SNAP25: variants seen among roughly 807,000 people sequenced by gnomAD.
SNAP25 encodes synaptosomal-associated protein 25.
Under a neutral mutation model 28.7 loss-of-function variants are expected in SNAP25, and 3 were observed. The observed-to-expected ratio is 0.10, with a 90% CI of 0.05 to 0.27. SNAP25 has a LOEUF of 0.27. Ranked by LOEUF, SNAP25 falls within the 10% of genes least tolerant of loss-of-function variation. The pLI is 1.00. For missense variants in SNAP25, 117 were observed against 278.7 expected, an observed-to-expected ratio of 0.42 and a Z score of 4.13; for synonymous variants, 61 against 88.1, an observed-to-expected ratio of 0.69 and a Z score of 1.72.
At chr20:10,273,304 GT>G (rs891590268) in intron 1 of SNAP25, among the ~76,000 whole-genome samples, 59 of 152,160 alleles carry the variant, frequency 3.9e-4, no homozygotes, top group African/African-American at 1.1e-3. Flanking sequence ...ACAAAAATAT[GT>G]TTTTTGGTTA....
intron 1 of SNAP25, among the ~76,000 whole-genome samples, chr20:10,265,796 A>G (rs554529468): frequency 2.6e-4 from 40 of 152,222 alleles, no homozygotes; most frequent in Non-Finnish European, 4.4e-4. Context: ...CACCTCTCAC[A>G]CCTACCAGCC....
chr20:10,235,029 T>C (rs1369184489), intron 1 of SNAP25, among the ~76,000 whole-genome samples: 1 of 152,190 alleles, frequency 6.6e-6, no homozygotes, highest in East Asian at 1.9e-4. Flanking sequence ...ACCATGCCAC[T>C]GCATTCCAGC....
At chr20:10,232,655 G>A (rs986467867) in intron 1 of SNAP25, among the ~76,000 whole-genome samples, 10 of 152,184 alleles carry the variant, frequency 6.6e-5, no homozygotes, top group African/African-American at 2.4e-4. Context: ...ACTAGGCACA[G>A]TTCTAAGCAA....
Position 10,299,319 on chromosome 20 carries a change from G to A in SNAP25, c.459G>A (p.Val153=), listed in dbSNP as rs2064181798. 4 of 1,614,006 alleles carry A rather than the reference G, an allele frequency of 2.5e-6. No homozygotes were observed. The highest frequency in any genetic ancestry group is 3.4e-6 in the Non-Finnish European group (4 of 1,180,024). The part of the protein sequence containing the change: ...ENEMDENLEQ[V]SGIIGNLRHM... ...AAATGGATGAAAACCTAGAGCAGGT[G>A]AGCGGCATCATCGGGAACCTCCGTC... is the stretch of plus-strand genomic sequence containing the variant. Residue 153 remains valine, a synonymous_variant, in exon 7 of 8, where the codon GTG becomes GTA. Transcript: ENST00000254976.
At chr20:10,235,289 A>G (rs1447390836) in intron 1 of SNAP25, among the ~76,000 whole-genome samples, 1 of 152,244 alleles carries the variant, frequency 6.6e-6, no homozygotes, top group African/African-American at 2.4e-5. Context: ...TAGGAAACCA[A>G]TTTTATTGAA....
At chr20:10,228,694 G>T (rs1358128518) in intron 1 of SNAP25, among the ~76,000 whole-genome samples, 1 of 152,102 alleles carries the variant, frequency 6.6e-6, no homozygotes, top group Non-Finnish European at 1.5e-5. Flanking sequence ...TCAAGTGGTT[G>T]TCGTGAGACC....
chr20:10,280,700 A>G (rs1393748516), intron 3 of SNAP25, among the ~76,000 whole-genome samples: 1 of 152,242 alleles, frequency 6.6e-6, no homozygotes, highest in Non-Finnish European at 1.5e-5. Flanking sequence ...GCCCAGGAAA[A>G]GCCCCACAGC....
intron 1 of SNAP25, among the ~76,000 whole-genome samples, chr20:10,231,903 C>T (rs1234665661): frequency 1.3e-5 from 2 of 152,202 alleles, no homozygotes; most frequent in Admixed American, 6.5e-5. Flanking sequence ...AAGGGATACT[C>T]AACCTATACT....
intron 1 of SNAP25, among the ~76,000 whole-genome samples, chr20:10,239,989 C>T (rs982605617): frequency 5.9e-5 from 9 of 152,218 alleles, no homozygotes; most frequent in Non-Finnish European, 5.9e-5. Flanking sequence ...TTTCTTATCT[C>T]GCAGTTTTTG....
intron 1 of SNAP25, among the ~76,000 whole-genome samples, chr20:10,261,367 C>G (rs535995136): frequency 6.6e-6 from 1 of 152,252 alleles, no homozygotes; most frequent in South Asian, 2.1e-4. Context: ...GCCACCACAC[C>G]CTAGACCTTG....
chr20:10,290,285 A>G (rs1035712257), intron 4 of SNAP25, among the ~76,000 whole-genome samples: 2 of 152,182 alleles, frequency 1.3e-5, no homozygotes, highest in African/African-American at 4.8e-5. Context: ...ACTCCACAAT[A>G]TTTTTTAAAT....
intron 1 of SNAP25, 37 bp from the exon 2 acceptor site, chr20:10,275,392 T>C (rs2063673658): frequency 9.4e-7 from 1 of 1,060,056 alleles, no homozygotes; most frequent in African/African-American, 1.6e-5. Flanking sequence ...CATGAACATA[T>C]ATAAGCTCTC....
At chr20:10,229,596 C>G (rs1056528780) in intron 1 of SNAP25, among the ~76,000 whole-genome samples, 1 of 152,150 alleles carries the variant, frequency 6.6e-6, no homozygotes, top group African/African-American at 2.4e-5. Flanking sequence ...GGGAGAAACT[C>G]TACAGACAGG....
At position 10,299,265 on chromosome 20, in the gene SNAP25, C is replaced by T. The variant is rs1385382718; in HGVS notation, c.408-3C>T. On this transcript the variant is annotated splice_region_variant and splice_polypyrimidine_tract_variant and intron_variant, in intron 6 of 7. Coordinates refer to ENST00000254976, the MANE Select transcript of SNAP25 (RefSeq NM_130811.4). ...CTTCTAAAACTTGCTCTTTGGATCC[C>T]AGGGTAACAAATGATGCCCGAGAAA... The T allele has an allele frequency of 1.9e-6, 3 of 1,613,344 alleles. No individual in the cohort carries two copies. The African/African-American group carries it at 4.0e-5, about 22-fold the overall frequency.
At chr20:10,250,416 C>A (rs2063205078) in intron 1 of SNAP25, among the ~76,000 whole-genome samples, 1 of 152,106 alleles carries the variant, frequency 6.6e-6, no homozygotes, top group Admixed American at 6.6e-5. Context: ...TTGTGGGGGA[C>A]TAAATTTTCT....
chr20:10,248,035 T>G (rs2063159315), intron 1 of SNAP25, among the ~76,000 whole-genome samples: 1 of 152,178 alleles, frequency 6.6e-6, no homozygotes. Context: ...TAGACTAGCC[T>G]GGGTTTGTTC....
intron 1 of SNAP25, among the ~76,000 whole-genome samples, chr20:10,265,489 C>A (rs2063491600): frequency 6.6e-6 from 1 of 152,208 alleles, no homozygotes; most frequent in African/African-American, 2.4e-5. Flanking sequence ...AACAAGACTT[C>A]ACAAACCTTG....
chr20:10,295,678 T>A (rs1228223793), intron 5 of SNAP25, among the ~76,000 whole-genome samples: 2 of 117,186 alleles, frequency 1.7e-5, no homozygotes, highest in Admixed American at 9.0e-5. Flanking sequence ...TGTTAAATTC[T>A]GGTGTCTTAC....
chr20:10,246,288 C>T (rs76735885), intron 1 of SNAP25, among the ~76,000 whole-genome samples: 4,513 of 152,126 alleles, frequency 0.03, 232 homozygotes, highest in African/African-American at 0.1. Context: ...CGTGTGCGAG[C>T]GCATCCTGCA....
Sources: gnomAD v4.1 joint callset for allele counts (sites outside exome capture counted in the v4.1 genomes callset) on GRCh38, gnomAD v4.1.1 for gene constraint, MANE v1.5 for transcripts, NCBI Gene and HGNC (gene_info 2026-07-23, HGNC 2026-07-21) for gene names.